Variants in EVC2 observed in about 807,000 individuals in gnomAD.
EVC2 encodes limbin.
A neutral mutation model predicts 149.3 loss-of-function variants in EVC2; 148 were observed. The observed-to-expected ratio is 0.99, with a 90% confidence interval of 0.87 to 1.14. EVC2 has a LOEUF of 1.14. Ranked by LOEUF, EVC2 falls within the 50% of genes most tolerant of loss-of-function variation. The probability of loss-of-function intolerance (pLI) is 0.00; values close to 1 mark genes in which losing one functional copy is unlikely to be tolerated. For synonymous variants in EVC2, 776 were observed against 649.9 expected, an observed-to-expected ratio of 1.19 and a Z score of -2.95; for missense variants, 1,854 against 1,627.3, an observed-to-expected ratio of 1.14 and a Z score of -2.40.
chr4:5,680,498 A>G (rs924780969), intron 7 of EVC2, among the ~76,000 whole-genome samples: 5 of 152,192 alleles, frequency 3.3e-5, no homozygotes, highest in Non-Finnish European at 7.3e-5. Flanking sequence ...ACTGTTCACC[A>G]AAATGTCATT....
At chr4:5,629,326 A>T (rs1716359070) in intron 11 of EVC2, among the ~76,000 whole-genome samples, 1 of 152,170 alleles carries the variant, frequency 6.6e-6, no homozygotes, top group Non-Finnish European at 1.5e-5. Flanking sequence ...ACCTAGGGAG[A>T]CAGTACTATT....
intron 6 of EVC2, among the ~76,000 whole-genome samples, chr4:5,684,594 C>T (rs1465096695): frequency 8.7e-5 from 3 of 34,314 alleles, no homozygotes; most frequent in Non-Finnish European, 1.1e-4. Context: ...CAGCACCTGC[C>T]AGGACAGGCA....
Position 5,584,628 on chromosome 4 carries a change from T to C in EVC2, c.3052A>G (p.Ser1018Gly), listed in dbSNP as rs1712103036. Reference protein sequence around the residue: ...SACTQILESHSRELQELERKL... With the variant: ...SACTQILESHGRELQELERKL... The stretch of plus-strand genomic sequence containing the variant: ...TTCCCAGCGCCTGCACTCACCCGGC[T>C]GTGCGACTCCAGGATCTGTGTGCAG... Residue 1018 changes from serine (S) to glycine (G), a missense_variant, in exon 17 of 22, where the codon AGC becomes GGC. Transcript: ENST00000344408. The C allele has an allele frequency of 6.2e-7, 1 of 1,612,982 alleles. No individual in the cohort carries two copies. Among genetic ancestry groups the C allele is most frequent in the Non-Finnish European group, 8.5e-7 (1 of 1,179,628 alleles).
chr4:5,596,311 A>G (rs942900726), intron 16 of EVC2, among the ~76,000 whole-genome samples: 1 of 152,224 alleles, frequency 6.6e-6, no homozygotes, highest in Admixed American at 6.5e-5. Flanking sequence ...TTGACCACAT[A>G]GTTGGAAGTA....
At chr4:5,615,750 G>A (rs971654149) in intron 15 of EVC2, among the ~76,000 whole-genome samples, 3 of 152,140 alleles carry the variant, frequency 2.0e-5, no homozygotes, top group Non-Finnish European at 2.9e-5. Flanking sequence ...CAATCTGGTG[G>A]GCTCCTCCCA....
chr4:5,646,943 T>C (rs1210342523), intron 9 of EVC2, among the ~76,000 whole-genome samples: 1 of 152,146 alleles, frequency 6.6e-6, no homozygotes, highest in African/African-American at 2.4e-5. Flanking sequence ...CTGAGGAAAA[T>C]GACTCTTGGA....
intron 16 of EVC2, among the ~76,000 whole-genome samples, chr4:5,598,892 C>A (rs1401778639): frequency 6.6e-6 from 1 of 152,096 alleles, no homozygotes; most frequent in Admixed American, 6.5e-5. Flanking sequence ...CAAACAACCC[C>A]ATCAAAAAGT....
the EVC2 span, among the ~76,000 whole-genome samples, chr4:5,535,625 G>GAT: frequency 6.6e-6 from 1 of 150,450 alleles, no homozygotes; most frequent in African/African-American, 2.5e-5. The surrounding 1 kb of genome is among the most constrained non-coding windows in gnomAD (Gnocchi z 4.7). Flanking sequence ...GAGAGAGAGA[G>GAT]AGAGAGAGAA....
At chr4:5,612,682 G>A (rs546848112) in intron 16 of EVC2, among the ~76,000 whole-genome samples, 2 of 152,128 alleles carry the variant, frequency 1.3e-5, no homozygotes, top group South Asian at 2.1e-4. Context: ...CAGCACTTTG[G>A]GAGGCCGAGG....
At chr4:5,650,636 T>TAGAGAG (rs1412059399) in intron 9 of EVC2, among the ~76,000 whole-genome samples, 93 of 55,646 alleles carry the variant, frequency 1.7e-3, no homozygotes, top group Non-Finnish European at 2.4e-3. Flanking sequence ...TATATATATA[T>TAGAGAG]ATAGAGAGAG....
At chr4:5,605,831 T>C (rs1714353241) in intron 16 of EVC2, among the ~76,000 whole-genome samples, 1 of 152,158 alleles carries the variant, frequency 6.6e-6, no homozygotes, top group Admixed American at 6.5e-5. Flanking sequence ...GTGGCGGGAC[T>C]GACCCAACTG....
intron 16 of EVC2, among the ~76,000 whole-genome samples, chr4:5,595,983 T>C (rs1253501091): frequency 6.6e-6 from 1 of 152,198 alleles, no homozygotes; most frequent in Non-Finnish European, 1.5e-5. Context: ...GGCCATCACA[T>C]AATGGTAAAG....
chr4:5,636,040 C>T lies in EVC2; in HGVS notation c.1471-4008G>A, dbSNP rs1716872091. On this transcript the variant is annotated intron_variant, in intron 10 of 21. Transcript: ENST00000344408. The surrounding 1 kb of genome is among the most constrained non-coding windows in gnomAD (Gnocchi z 4.6). ...CCCTTGTCCAAGGTTGACTCAGCGCCGAGCAATGGCTGAAGTACTATACGA... is the reference window on the plus strand; with the variant it reads ...CCCTTGTCCAAGGTTGACTCAGCGCTGAGCAATGGCTGAAGTACTATACGA... Among the ~76,000 whole-genome samples the T allele has an allele frequency of 6.6e-6, 1 of 152,168 alleles. No homozygotes were observed. Among genetic ancestry groups the T allele is most frequent in the Non-Finnish European group, 1.5e-5 (1 of 68,028 alleles).
chr4:5,670,430 C>A lies in EVC2; in HGVS notation c.871-4781G>T, dbSNP rs1359124926. 6.6e-6 allele frequency among the ~76,000 whole-genome samples: 1 copy of A among 151,704 alleles called. No homozygotes were observed. Among genetic ancestry groups the A allele is most frequent in the Non-Finnish European group, 1.5e-5 (1 of 67,948 alleles). ...TTCATCTTTACCATCACCATCAACA[C>A]CATTATGATCAATATCAGCAGGATC... is the stretch of plus-strand genomic sequence containing the variant. On this transcript the variant is annotated intron_variant, in intron 7 of 21. Coordinates refer to ENST00000344408, the MANE Select transcript of EVC2 (RefSeq NM_147127.5). The surrounding 1 kb of genome is among the most constrained non-coding windows in gnomAD (Gnocchi z 5.2).
chr4:5,683,446 T>C (rs1199948268), intron 6 of EVC2, among the ~76,000 whole-genome samples: 1 of 152,216 alleles, frequency 6.6e-6, no homozygotes, highest in Non-Finnish European at 1.5e-5. Context: ...GTTCCTAGCA[T>C]GAAGCCAGAA....
Position 5,685,489 on chromosome 4 carries a change from G to C in EVC2, c.707-10C>G, listed in dbSNP as rs1488714716. On this transcript the variant is annotated splice_polypyrimidine_tract_variant and intron_variant, in intron 5 of 21. Transcript: ENST00000344408. ...GCAAAGGCATCTCCCACTGCGCAGA[G>C]AAAAGCACATGTGACTCAGGGAGGG... The C allele has an allele frequency of 6.2e-7, 1 of 1,613,392 alleles. No homozygotes were observed. Among genetic ancestry groups the C allele is most frequent in the African/African-American group, 1.3e-5 (1 of 74,928 alleles).
At chr4:5,558,357 T>G (rs1721877128), downstream of EVC2, among the ~76,000 whole-genome samples, 1 of 152,050 alleles carries the variant, frequency 6.6e-6, no homozygotes, top group Non-Finnish European at 1.5e-5. Flanking sequence ...CTGCCAGGGG[T>G]CCAGGTGGAG....
intron 1 of EVC2, among the ~76,000 whole-genome samples, chr4:5,704,045 G>C (rs1174486889): frequency 6.6e-6 from 1 of 152,132 alleles, no homozygotes; most frequent in Non-Finnish European, 1.5e-5. Context: ...CAGGGCGAGT[G>C]AGTGGTTTCT....
rs907643057 is a variant in EVC2 at position 5,622,412 on chromosome 4, G to A, written c.2501+125C>T. 93 of 1,111,516 alleles carry A rather than the reference G, an allele frequency of 8.4e-5. 1 individual carries two copies. The highest frequency in any genetic ancestry group is 5.4e-4 in the South Asian group (40 of 73,406). The allele number at this position is 1,111,516 out of a possible 1,614,324, so 68.9% of individuals were successfully genotyped here. A position where few individuals can be genotyped will look rare whatever the true frequency, so the allele number is the denominator to read the frequency against. On this transcript the variant is annotated intron_variant, in intron 14 of 21. Coordinates refer to ENST00000344408, the MANE Select transcript of EVC2 (RefSeq NM_147127.5). The surrounding 1 kb of genome is among the most constrained non-coding windows in gnomAD (Gnocchi z 5.8). ...CGTTGAGTTTATATGACTAATTAAC[G>A]CTGGTAATCTCATCTGTCTGGGGCC...
Sources: gnomAD v4.1 joint callset for allele counts (sites outside exome capture counted in the v4.1 genomes callset) on GRCh38, gnomAD v4.1.1 for gene constraint, Gnocchi (gnomAD v3.1) non-coding constraint, MANE v1.5 for transcripts, NCBI Gene and HGNC (gene_info 2026-07-23, HGNC 2026-07-21) for gene names.